MUC5AC: variants seen among roughly 807,000 people sequenced by gnomAD.
MUC5AC encodes the protein mucin 5AC, oligomeric mucus/gel-forming, also known as mucin-5AC.
Under a neutral mutation model 169.7 loss-of-function variants are expected in MUC5AC, and 158 were observed. The observed-to-expected ratio is 0.93, with a 90% CI of 0.82 to 1.06. The LOEUF (loss-of-function observed/expected upper bound fraction) is 1.06. Ranked by LOEUF, MUC5AC falls within the 50% of genes least tolerant of loss-of-function variation. The pLI, the probability that MUC5AC is intolerant of heterozygous loss-of-function variation, is 0.00. For synonymous variants in MUC5AC, 1,975 were observed against 1,237.0 expected (o/e 1.60, Z -12.52); for missense variants, 4,359 against 3,089.9 (o/e 1.41, Z -9.74).
Position 1,199,900 on chromosome 11 carries a change from A to G in MUC5AC, c.16631A>G (p.Gln5544Arg). The change falls in exon 48 of 49, where the codon CAG (glutamine) becomes CGG (arginine). Residue 5544 changes from glutamine to arginine, a missense_variant. By Grantham distance (43) the Gln-to-Arg change is conservative. Transcript: ENST00000621226. ...VYHRSLIIQQ[Q>R]GCSSSEPVRL... is the part of the protein sequence containing the mutation. ...CATAGGAGCCTGATCATCCAGCAGC[A>G]GGGCTGCAGCTCCTCGGAGCCCGTG... 1 of 764,528 alleles carries G rather than the reference A, an allele frequency of 1.3e-6. No individual in the cohort carries two copies. The highest frequency in any genetic ancestry group is 2.4e-6 in the Non-Finnish European group (1 of 417,702). 47.4% of individuals were successfully genotyped at this position (764,528 alleles called of 1,614,324 possible). A position where few individuals can be genotyped will look rare whatever the true frequency, so the allele number is the denominator to read the frequency against.
In MUC5AC at chr11:1,163,044, C is replaced by T; in HGVS notation, c.678C>T (p.His226=). 2 of 1,612,296 alleles carry T rather than the reference C, an allele frequency of 1.2e-6. No homozygotes were observed. Among genetic ancestry groups the T allele is most frequent in the Non-Finnish European group, 8.5e-7 (1 of 1,179,468 alleles). The part of the protein sequence containing the change: ...GMPVVSELLS[H]NTKLTPMEFG... ...CCGTGGTCAGCGAGCTCCTCTCCCA[C>T]AGTAAGGCCCCACATCGCCCTCAGC... Residue 226 remains histidine (H), a splice_region_variant and synonymous_variant, in exon 6 of 49, where the codon CAC becomes CAT. Coordinates refer to ENST00000621226, the MANE Select transcript of MUC5AC (RefSeq NM_001304359.2).
At chr11:1,168,599 G>A (rs930219010) in intron 13 of MUC5AC, 43 bp from the exon 14 acceptor site, 29 of 1,612,148 alleles carry the variant, frequency 1.8e-5, no homozygotes, top group Middle Eastern at 1.6e-4. Context: ...CTGGGGTCCC[G>A]CCCCACAGCC....
chr11:1,167,208 A>G (rs28373116), intron 11 of MUC5AC, among the ~76,000 whole-genome samples: 1 of 135,620 alleles, frequency 7.4e-6, no homozygotes, highest in East Asian at 2.3e-4. Context: ...CCCTGCACCC[A>G]ACACACAGTC....
Position 1,172,629 on chromosome 11 carries a change from C to T in MUC5AC, c.1965+106C>T, listed in dbSNP as rs1043673779. 38 of 398,198 alleles carry T rather than the reference C, an allele frequency of 9.5e-5. No homozygotes were observed. In the South Asian group the frequency reaches 4.7e-3, roughly 49 times the overall value. The allele number at this position is 398,198 out of a possible 1,614,324, so 24.7% of individuals were successfully genotyped here. On this transcript the variant is annotated intron_variant, in intron 16 of 48. Coordinates refer to ENST00000621226, the MANE Select transcript of MUC5AC (RefSeq NM_001304359.2). Reference sequence around the variant, plus strand: ...TGGTGGGCTCAGCAGGCAGGACTAACCTTTCTAGGCTGTGATGGGCACCAG... The same window carrying T: ...TGGTGGGCTCAGCAGGCAGGACTAATCTTTCTAGGCTGTGATGGGCACCAG...
rs1161730624 is a variant in MUC5AC at position 1,164,526 on chromosome 11, C to T, written c.1123C>T (p.Pro375Ser). 1 of 1,609,244 alleles carries T rather than the reference C, an allele frequency of 6.2e-7. No homozygotes were observed. The highest frequency in any genetic ancestry group is 1.3e-5 in the African/African-American group (1 of 74,894). Reference protein sequence around the residue: ...EDHCVAGCFCPEGTVLDDIGQ... With the variant: ...EDHCVAGCFCSEGTVLDDIGQ... ...CCACTGTGTGGCCGGCTGCTTCTGC[C>T]CTGAGGGTGAGGCTCCCCCGCCCCT... is the stretch of plus-strand genomic sequence containing the variant. Residue 375 changes from proline (P) to serine (S), a missense_variant, in exon 9 of 49, where the codon CCT becomes TCT. Transcript: ENST00000621226.
Position 1,175,045 on chromosome 11 carries a change from G to T in MUC5AC, c.2256G>T (p.Thr752=). 2.5e-6 allele frequency: 1 copy of T among 401,372 alleles called. No homozygotes were observed. Among genetic ancestry groups the T allele is most frequent in the Middle Eastern group, 6.2e-4 (1 of 1,616 alleles). The allele number at this position is 401,372 out of a possible 1,614,324, so 24.9% of individuals were successfully genotyped here. A position where few individuals can be genotyped will look rare whatever the true frequency, so the allele number is the denominator to read the frequency against. The part of the protein sequence containing the change: ...ICPKGTFLDD[T]GKCVQASNCP... ...CCAAGGGCACCTTCCTGGACGACACGGGCAAGTGTGTGCAGGCCAGCAACT... is the reference window on the plus strand; with the variant it reads ...CCAAGGGCACCTTCCTGGACGACACTGGCAAGTGTGTGCAGGCCAGCAACT... The change falls in exon 18 of 49, where the codon ACG becomes ACT. Residue 752 remains threonine, a synonymous_variant. Transcript: ENST00000621226.
At chr11:1,166,192 C>T (rs192979968) in intron 11 of MUC5AC, among the ~76,000 whole-genome samples, 1 of 147,830 alleles carries the variant, frequency 6.8e-6, no homozygotes, top group African/African-American at 2.6e-5. Flanking sequence ...TGAGACCCTG[C>T]ACCCAACACA....
At chr11:1,172,014 C>T (rs914303524) in intron 15 of MUC5AC, among the ~76,000 whole-genome samples, 75,652 of 152,128 alleles carry the variant, frequency 0.5, 20,738 homozygotes, top group East Asian at 0.69. Context: ...AGAGCTTGGG[C>T]GCCAGCCGTG....
At position 1,183,597 on chromosome 11, in the gene MUC5AC, G is replaced by C. The variant is rs1217849868; in HGVS notation, c.5452G>C (p.Val1818Leu). The C allele has an allele frequency of 4.7e-6, 3 of 644,684 alleles. No homozygotes were observed. Among genetic ancestry groups the C allele is most frequent in the African/African-American group, 3.8e-5 (2 of 53,082 alleles). 39.9% of individuals were successfully genotyped at this position (644,684 alleles called of 1,614,324 possible). ...GCAGTGCAGCCGGGAAGAGGGCCTG[G>C]TGTGCCGGAACCAGGACCAGCAGGG... Reference protein sequence around the residue: ...VVQCSREEGLVCRNQDQQGPF... With the variant: ...VVQCSREEGLLCRNQDQQGPF... The change falls in exon 31 of 49, where the codon GTG becomes CTG. Residue 1818 changes from valine to leucine, a missense_variant. Transcript: ENST00000621226.
Position 1,176,555 on chromosome 11 carries a change from G to T in MUC5AC, c.2544G>T (p.Gly848=), listed in dbSNP as rs1396439877. 124 of 399,938 alleles carry T rather than the reference G, an allele frequency of 3.1e-4. No individual in the cohort carries two copies. The East Asian group carries it at 3.4e-3, about 11-fold the overall frequency. 24.8% of individuals were successfully genotyped at this position (399,938 alleles called of 1,614,324 possible). The change falls in exon 21 of 49, where the codon GGG becomes GGT. Residue 848 remains glycine (G), a synonymous_variant. Transcript: ENST00000621226. ...TGCCTGGCTGCGTGTGCCCCGACGGGCTGGTGGCGGACGGCGAGGGCGGCT... is the reference window on the plus strand; with the variant it reads ...TGCCTGGCTGCGTGTGCCCCGACGGTCTGGTGGCGGACGGCGAGGGCGGCT... ...QCVPGCVCPD[G]LVADGEGGCI... is the part of the protein sequence containing the mutation.
At chr11:1,175,683 T>G (rs1276995018) in intron 19 of MUC5AC, among the ~76,000 whole-genome samples, 1 of 132,284 alleles carries the variant, frequency 7.6e-6, no homozygotes, top group Admixed American at 7.8e-5. Context: ...CACCCACTCA[T>G]GCACACACAC....
At position 1,164,446 on chromosome 11, in the gene MUC5AC, G is replaced by C. The variant is rs775144961; in HGVS notation, c.1043G>C (p.Arg348Pro). Residue 348 changes from arginine (R) to proline (P), a missense_variant, in exon 9 of 49, where the codon CGC becomes CCC. By Grantham distance (103) the Arg-to-Pro change is moderately radical (BLOSUM62 -2). Transcript: ENST00000621226. ...CPNNMQYHEC[R>P]SPCADTCSNQ... ...AACAACATGCAGTACCACGAGTGCC[G>C]CTCCCCCTGCGCAGACACCTGCTCC... 2 of 1,611,874 alleles carry C rather than the reference G, an allele frequency of 1.2e-6. No individual in the cohort carries two copies. Among genetic ancestry groups the C allele is most frequent in the Admixed American group, 1.7e-5 (1 of 59,890 alleles).
chr11:1,160,382 G>C (rs533728747), intron 1 of MUC5AC, among the ~76,000 whole-genome samples: 1 of 152,008 alleles, frequency 6.6e-6, no homozygotes, highest in Non-Finnish European at 1.5e-5. Context: ...CTGCTCCATG[G>C]GGCCAGGCTG....
At position 1,187,842 on chromosome 11, in the gene MUC5AC, G is replaced by C. The variant is rs2133761382; in HGVS notation, c.9697G>C (p.Asp3233His). 2 of 764,710 alleles carry C rather than the reference G, an allele frequency of 2.6e-6. No homozygotes were observed. Among genetic ancestry groups the C allele is most frequent in the Admixed American group, 3.4e-5 (2 of 59,014 alleles). The allele number at this position is 764,710 out of a possible 1,614,324, so 47.4% of individuals were successfully genotyped here. Residue 3233 changes from aspartate (D) to histidine (H), a missense_variant, in exon 31 of 49, where the codon GAC becomes CAC. By Grantham distance (81) the Asp-to-His change is moderately conservative. Coordinates refer to ENST00000621226, the MANE Select transcript of MUC5AC (RefSeq NM_001304359.2). ...HLRCTWTKWF[D>H]IDFPSPGPHG... ...CCGGTGCACCTGGACCAAGTGGTTT[G>C]ACATAGACTTCCCATCCCCTGGACC... is the stretch of plus-strand genomic sequence containing the variant.
At position 1,166,458 on chromosome 11, in the gene MUC5AC, G is replaced by A. The variant is rs543600224; in HGVS notation, c.1386+698G>A. Among the ~76,000 whole-genome samples, 104 of 108,814 alleles carry A rather than the reference G, an allele frequency of 9.6e-4. 3 individuals carry two copies. The highest frequency in any genetic ancestry group is 3.9e-3 in the African/African-American group (101 of 25,880). 71.4% of individuals were successfully genotyped at this position (108,814 alleles called of 152,430 possible). A position where few individuals can be genotyped will look rare whatever the true frequency, so the allele number is the denominator to read the frequency against. ...CTGCACCCAACACACAGTCTCCCAC[G>A]ATGAGACCCTACACCCAACACACAG... is the stretch of plus-strand genomic sequence containing the variant. On this transcript the variant is annotated intron_variant, in intron 11 of 48. Coordinates refer to ENST00000621226, the MANE Select transcript of MUC5AC (RefSeq NM_001304359.2).
At chr11:1,173,964 CACTCATTT>C (rs1369270775) in intron 16 of MUC5AC, among the ~76,000 whole-genome samples, 13 of 152,202 alleles carry the variant, frequency 8.5e-5, no homozygotes, top group Admixed American at 7.2e-4. Context: ...CTCACTCATT[CACTCATTT>C]ACTCACTAAT....
Position 1,187,623 on chromosome 11 carries a change from C to G in MUC5AC, c.9478C>G (p.Pro3160Ala). 2 of 763,970 alleles carry G rather than the reference C, an allele frequency of 2.6e-6. No individual in the cohort carries two copies. The highest frequency in any genetic ancestry group is 3.4e-5 in the Admixed American group (2 of 58,782). 47.3% of individuals were successfully genotyped at this position (763,970 alleles called of 1,614,324 possible). A position where few individuals can be genotyped will look rare whatever the true frequency, so the allele number is the denominator to read the frequency against. ...TCCTGGAACCACTCCCAGCCCTGTT[C>G]CCACCACCAGCACAATCTTTGCTCC... is the stretch of plus-strand genomic sequence containing the variant. Reference protein sequence around the residue: ...SGPGTTPSPVPTTSTIFAPRT... With the variant: ...SGPGTTPSPVATTSTIFAPRT... The change falls in exon 31 of 49, where the codon CCC (proline) becomes GCC (alanine). Residue 3160 changes from proline (P) to alanine (A), a missense_variant. Physicochemically the swap from Pro to Ala is conservative, Grantham distance 27. Coordinates refer to ENST00000621226, the MANE Select transcript of MUC5AC (RefSeq NM_001304359.2).
rs1861054421 is a variant in MUC5AC, at chr11:1,190,240, A to G, written c.12095A>G (p.Gln4032Arg). The change falls in exon 31 of 49, where the codon CAG becomes CGG. Residue 4032 changes from glutamine (Q) to arginine (R), a missense_variant. Coordinates refer to ENST00000621226, the MANE Select transcript of MUC5AC (RefSeq NM_001304359.2). ...SREEGLVCRN[Q>R]DQQGPFKMCL... is the part of the protein sequence containing the mutation. ...GAAGAGGGCCTGGTGTGCCGGAACC[A>G]GGACCAGCAGGGACCCTTCAAGATG... is the stretch of plus-strand genomic sequence containing the variant. The G allele has an allele frequency of 1.3e-5, 10 of 741,454 alleles. No individual in the cohort carries two copies. Among genetic ancestry groups the G allele is most frequent in the Non-Finnish European group, 2.2e-5 (9 of 406,152 alleles). 45.9% of individuals were successfully genotyped at this position (741,454 alleles called of 1,614,324 possible).
In MUC5AC at chr11:1,191,455, C is replaced by T. The variant is rs1861094318; in HGVS notation, c.13310C>T (p.Pro4437Leu). Residue 4437 changes from proline (P) to leucine (L), a missense_variant, in exon 31 of 49, where the codon CCT becomes CTT. Transcript: ENST00000621226. ...PASTASTTSG[P>L]GTTPSPVPTT... ...TCTACAGCCAGCACAACCTCTGGTC[C>T]TGGAACTACTCCCAGCCCTGTTCCC... 1 of 751,170 alleles carries T rather than the reference C, an allele frequency of 1.3e-6. No individual in the cohort carries two copies. The highest frequency in any genetic ancestry group is 2.4e-6 in the Non-Finnish European group (1 of 410,248). 46.5% of individuals were successfully genotyped at this position (751,170 alleles called of 1,614,324 possible). A position where few individuals can be genotyped will look rare whatever the true frequency, so the allele number is the denominator to read the frequency against.
Sources: gnomAD v4.1 joint callset for allele counts (sites outside exome capture counted in the v4.1 genomes callset) on GRCh38, gnomAD v4.1.1 for gene constraint, MANE v1.5 for transcripts, NCBI Gene and HGNC (gene_info 2026-07-23, HGNC 2026-07-21) for gene names.